Variants in COL25A1 observed in about 807,000 individuals in gnomAD.
COL25A1 encodes the protein collagen type XXV alpha 1 chain.
COL25A1 carries 103 observed loss-of-function variants against 128.4 expected under a neutral mutation model. That is an observed-to-expected ratio of 0.80 (90% CI 0.68 to 0.94). The LOEUF is 0.94. Among genes scored for constraint, COL25A1 ranks in the 40% least tolerant of loss-of-function variants. The pLI, the probability that COL25A1 is intolerant of heterozygous loss-of-function variation, is 0.00. For missense variants in COL25A1, 745 were observed against 840.0 expected (o/e 0.89, Z 1.40); for synonymous variants, 279 against 277.2 (o/e 1.01, Z -0.06).
intron 3 of COL25A1, among the ~76,000 whole-genome samples, chr4:109,177,886 AT>A (rs1430928542): frequency 6.6e-6 from 1 of 152,268 alleles, no homozygotes; most frequent in Non-Finnish European, 1.5e-5. Flanking sequence ...AAAATTAACC[AT>A]ATAAATATTG....
intron 8 of COL25A1, among the ~76,000 whole-genome samples, chr4:108,966,531 A>G (rs1269879780): frequency 1.3e-5 from 2 of 152,016 alleles, no homozygotes; most frequent in Admixed American, 1.3e-4. Context: ...CTTGAGTTCA[A>G]TCCTCATCAG....
intron 3 of COL25A1, among the ~76,000 whole-genome samples, chr4:109,140,909 T>C (rs1481354202): frequency 6.6e-6 from 1 of 152,120 alleles, no homozygotes; most frequent in Admixed American, 6.6e-5. Flanking sequence ...TCTCCTCCTA[T>C]GTGAATACCC....
intron 6 of COL25A1, among the ~76,000 whole-genome samples, chr4:109,005,957 C>T (rs866283728): frequency 6.6e-6 from 1 of 151,392 alleles, no homozygotes; most frequent in African/African-American, 2.4e-5. Flanking sequence ...CATTTTAGGT[C>T]AAAATCTTAT....
At chr4:109,160,861 C>T (rs1433506656) in intron 3 of COL25A1, among the ~76,000 whole-genome samples, 1 of 152,142 alleles carries the variant, frequency 6.6e-6, no homozygotes, top group Non-Finnish European at 1.5e-5. Context: ...CCTTTACCAA[C>T]CTACATATTA....
chr4:109,177,092 G>T (rs1353282602), intron 3 of COL25A1, among the ~76,000 whole-genome samples: 1 of 152,156 alleles, frequency 6.6e-6, no homozygotes, highest in Admixed American at 6.5e-5. Flanking sequence ...GGAATGAATA[G>T]CAGGAAGGAA....
chr4:108,832,589 G>T, intron 31 of COL25A1, 156 bp from the exon 32 acceptor site: 1 of 555,428 alleles, frequency 1.8e-6, no homozygotes, highest in Non-Finnish European at 3.2e-6. Flanking sequence ...TCAGGCCAGC[G>T]GTTTTCAAGA....
At chr4:108,973,345 TGAA>T (rs1293597582) in intron 8 of COL25A1, among the ~76,000 whole-genome samples, 3 of 152,170 alleles carry the variant, frequency 2.0e-5, no homozygotes, top group Non-Finnish European at 4.4e-5. Context: ...TATTTCTATA[TGAA>T]GAAGTGACTG....
chr4:108,966,700 A>C (rs59426365), intron 8 of COL25A1, among the ~76,000 whole-genome samples: 46,339 of 151,590 alleles, frequency 0.31, 7,662 homozygotes, highest in South Asian at 0.45. Context: ...AAATTAAAAA[A>C]AATAGCTGGG....
chr4:108,821,185 C>T (rs1014505112), intron 35 of COL25A1, among the ~76,000 whole-genome samples: 3 of 152,186 alleles, frequency 2.0e-5, no homozygotes, highest in Non-Finnish European at 4.4e-5. Context: ...AGCAAAAGCT[C>T]TTCATTTATC....
At chr4:109,174,778 C>T (rs1360793027) in intron 3 of COL25A1, among the ~76,000 whole-genome samples, 2 of 152,190 alleles carry the variant, frequency 1.3e-5, no homozygotes, top group African/African-American at 4.8e-5. Flanking sequence ...CAAAATTAAA[C>T]ACTCACCTTT....
intron 13 of COL25A1, among the ~76,000 whole-genome samples, chr4:108,912,865 T>C (rs1172879494): frequency 6.6e-6 from 1 of 152,158 alleles, no homozygotes; most frequent in Admixed American, 6.5e-5. Context: ...GTGTTATCCA[T>C]GTATAAGAGA....
rs1287140824 is a variant in COL25A1, at chr4:108,812,901, C to T, written c.*1026G>A. On this transcript the variant is annotated 3_prime_UTR_variant, in exon 38 of 38. Transcript: ENST00000399132. ...TTGGTGGGATGGACATCCCTTTTCC[C>T]TCAGGGACAGGATCTCCCATTCCAA... 1.3e-5 allele frequency: 2 copies of T among 152,170 alleles called. No individual in the cohort carries two copies. The highest frequency in any genetic ancestry group is 4.8e-5 in the African/African-American group (2 of 41,430). The allele number at this position is 152,170 out of a possible 1,614,324, so 9.4% of individuals were successfully genotyped here.
chr4:108,943,674 A>G (rs1748399081), intron 8 of COL25A1, among the ~76,000 whole-genome samples: 1 of 152,188 alleles, frequency 6.6e-6, no homozygotes, highest in African/African-American at 2.4e-5. Context: ...GAGAACAGGG[A>G]GAGATGTTTT....
chr4:109,075,419 A>G (rs1018156478), intron 3 of COL25A1, among the ~76,000 whole-genome samples: 1 of 152,120 alleles, frequency 6.6e-6, no homozygotes, highest in African/African-American at 2.4e-5. Flanking sequence ...TATACTTGGA[A>G]TTAAAGACAA....
chr4:109,172,699 A>G (rs1773704056), intron 3 of COL25A1, among the ~76,000 whole-genome samples: 1 of 152,228 alleles, frequency 6.6e-6, no homozygotes, highest in Non-Finnish European at 1.5e-5. Flanking sequence ...AAGTTTCTGT[A>G]ATGCAATTCA....
At chr4:108,860,857 C>G in intron 23 of COL25A1, 70 bp downstream of exon 23, 1 of 1,225,392 alleles carries the variant, frequency 8.2e-7, no homozygotes, top group Admixed American at 1.7e-5. Context: ...ATATGAATAG[C>G]CATGCAGACA....
intron 18 of COL25A1, among the ~76,000 whole-genome samples, chr4:108,886,509 T>C (rs892807008): frequency 6.9e-6 from 1 of 144,310 alleles, no homozygotes. Context: ...TCATCAGCTA[T>C]TTTATGTGTG....
At chr4:109,161,853 G>C (rs572968128) in intron 3 of COL25A1, among the ~76,000 whole-genome samples, 1 of 152,294 alleles carries the variant, frequency 6.6e-6, no homozygotes, top group East Asian at 1.9e-4. Context: ...TCCCGGACCA[G>C]TTAGTGACTT....
chr4:108,940,175 G>A (rs28651945), intron 10 of COL25A1, among the ~76,000 whole-genome samples: 12,571 of 151,988 alleles, frequency 0.083, 1,047 homozygotes, highest in African/African-American at 0.21. Flanking sequence ...TAAACCAAAG[G>A]CCCCGGTGCA....
Sources: gnomAD v4.1 joint callset for allele counts (sites outside exome capture counted in the v4.1 genomes callset) on GRCh38, gnomAD v4.1.1 for gene constraint, MANE v1.5 for transcripts, NCBI Gene and HGNC (gene_info 2026-07-23, HGNC 2026-07-21) for gene names.